NEIL3: variants seen among roughly 807,000 people sequenced by gnomAD.
The protein encoded by NEIL3 is endonuclease 8-like 3.
A neutral mutation model predicts 57.5 loss-of-function variants in NEIL3; 48 were observed. The observed-to-expected ratio is 0.83, with a 90% CI of 0.66 to 1.06. The LOEUF (loss-of-function observed/expected upper bound fraction) is 1.06. NEIL3 is among the 50% of genes least tolerant of loss of function. The probability of loss-of-function intolerance (pLI) is 0.00; values close to 1 mark genes in which losing one functional copy is unlikely to be tolerated. For synonymous variants in NEIL3, 261 were observed against 253.2 expected (o/e 1.03, Z -0.29); for missense variants, 717 against 739.1 (o/e 0.97, Z 0.35).
rs17064658 is a variant in NEIL3 at position 177,336,210 on chromosome 4, G to C, written c.516G>C (p.Gln172His). ...GAGCAGAAAGTGAAGTTAAAAAACA[G>C]AAAGGCCGGATGCTAGGTGATGTGC... ...FLRAESEVKK[Q>H]KGRMLGDVLM... The change falls in exon 4 of 10, where the codon CAG (glutamine) becomes CAC (histidine). Residue 172 changes from glutamine (Q) to histidine (H), a missense_variant. Gln to His is a conservative substitution (Grantham distance 24). Coordinates refer to ENST00000264596, the MANE Select transcript of NEIL3 (RefSeq NM_018248.3). 0.012 allele frequency: 18,700 copies of C among 1,614,100 alleles called. 269 individuals are homozygous for C. The highest frequency in any genetic ancestry group is 0.062 in the African/African-American group (4,647 of 75,056).
chr4:177,338,140 G>A (rs1735015200), intron 4 of NEIL3, among the ~76,000 whole-genome samples: 1 of 152,098 alleles, frequency 6.6e-6, no homozygotes, highest in Non-Finnish European at 1.5e-5. Context: ...ACTTAATATA[G>A]TATGTAAGAT....
intron 2 of NEIL3, among the ~76,000 whole-genome samples, 181 bp downstream of exon 2, chr4:177,322,761 T>C (rs1734712161): frequency 6.6e-6 from 1 of 152,196 alleles, no homozygotes; most frequent in Non-Finnish European, 1.5e-5. Flanking sequence ...GAATAAATTC[T>C]GATGTCATCA....
downstream of NEIL3, among the ~76,000 whole-genome samples, chr4:177,364,906 G>C (rs1735673363): frequency 6.7e-6 from 1 of 148,510 alleles, no homozygotes; most frequent in Non-Finnish European, 1.5e-5. Context: ...CCAGCCTGGT[G>C]ACAGAGTGAG....
At position 177,341,443 on chromosome 4, in the gene NEIL3, A is replaced by G. The variant is rs200859530; in HGVS notation, c.703-33A>G. Reference sequence around the variant, plus strand: ...GCTCCTTGGCAGCACTGTTTTGTGGATAACAGAATTTTTTGGTTTTTTTTT... The same window carrying G: ...GCTCCTTGGCAGCACTGTTTTGTGGGTAACAGAATTTTTTGGTTTTTTTTT... On this transcript the variant is annotated intron_variant, in intron 5 of 9. Transcript: ENST00000264596. 141 of 1,545,220 alleles carry G rather than the reference A, an allele frequency of 9.1e-5. No homozygotes were observed. The East Asian group carries it at 3.1e-3, about 34-fold the overall frequency.
chr4:177,354,674 G>A (rs1358353424), intron 8 of NEIL3, among the ~76,000 whole-genome samples: 1 of 152,112 alleles, frequency 6.6e-6, no homozygotes, highest in Non-Finnish European at 1.5e-5. Context: ...TAGAGATGGG[G>A]TTTCGCCATG....
intron 6 of NEIL3, among the ~76,000 whole-genome samples, chr4:177,344,676 T>G (rs972075234): frequency 6.6e-6 from 1 of 151,958 alleles, no homozygotes; most frequent in Non-Finnish European, 1.5e-5. Context: ...ATTCTCCTAC[T>G]TCAGCCTCCC....
At chr4:177,337,421 A>T (rs1474343223) in intron 4 of NEIL3, among the ~76,000 whole-genome samples, 1 of 152,170 alleles carries the variant, frequency 6.6e-6, no homozygotes, top group Admixed American at 6.5e-5. Flanking sequence ...AATCAGTAGG[A>T]ATGAAGCTTT....
intron 6 of NEIL3, among the ~76,000 whole-genome samples, chr4:177,347,465 G>T (rs538217969): frequency 6.6e-6 from 1 of 152,278 alleles, no homozygotes; most frequent in South Asian, 2.1e-4. Flanking sequence ...TAATCACTCT[G>T]GCGACTGTTG....
intron 1 of NEIL3, among the ~76,000 whole-genome samples, chr4:177,318,595 A>G (rs959405016): frequency 2.6e-5 from 4 of 152,294 alleles, no homozygotes; most frequent in Admixed American, 2.6e-4. Flanking sequence ...GGGCCATGGC[A>G]TACAAGGGCC....
chr4:177,353,884 G>T, intron 8 of NEIL3, 156 bp downstream of exon 8: 1 of 642,510 alleles, frequency 1.6e-6, no homozygotes. Context: ...TCCTGCCTCA[G>T]CCTCCCAAGT....
chr4:177,360,436 G>A, intron 8 of NEIL3, 67 bp from the exon 9 acceptor site: 2 of 1,132,130 alleles, frequency 1.8e-6, no homozygotes, highest in East Asian at 2.6e-5. Flanking sequence ...GACATGTGGG[G>A]GTAAAGTGGT....
downstream of NEIL3, among the ~76,000 whole-genome samples, chr4:177,364,921 T>C (rs1454440510): frequency 6.9e-6 from 1 of 144,828 alleles, no homozygotes; most frequent in African/African-American, 2.6e-5. Context: ...AGTGAGACTC[T>C]GTCTCAAAAA....
At position 177,341,140 on chromosome 4, in the gene NEIL3, G is replaced by T. The variant is rs182926539; in HGVS notation, c.703-336G>T. Reference sequence around the variant, plus strand: ...TTTTTCTTTTAACTATATAATTATGGTTAATTTAAAAAGCCTTAAAAGTGT... The same window carrying T: ...TTTTTCTTTTAACTATATAATTATGTTTAATTTAAAAAGCCTTAAAAGTGT... On this transcript the variant is annotated intron_variant, in intron 5 of 9. Coordinates refer to ENST00000264596, the MANE Select transcript of NEIL3 (RefSeq NM_018248.3). 6.4e-4 allele frequency among the ~76,000 whole-genome samples: 98 copies of T among 151,944 alleles called. 2 individuals are homozygous for T. In the East Asian group the frequency reaches 0.016, roughly 26 times the overall value.
chr4:177,320,789 T>C lies in NEIL3; in HGVS notation c.157-1670T>C, dbSNP rs373950820. On this transcript the variant is annotated intron_variant, in intron 1 of 9. Transcript: ENST00000264596. ...GCCTGCTGTCATTTTTAATTACTCC[T>C]GTGCATTTAATTTATCTGTCATTCT... Among the ~76,000 whole-genome samples the C allele has an allele frequency of 2.6e-5, 4 of 152,066 alleles. No individual in the cohort carries two copies. In the East Asian group the frequency reaches 7.7e-4, roughly 29 times the overall value.
At chr4:177,346,269 T>C (rs895167437) in intron 6 of NEIL3, among the ~76,000 whole-genome samples, 1 of 152,066 alleles carries the variant, frequency 6.6e-6, no homozygotes, top group Non-Finnish European at 1.5e-5. Context: ...TGGGCTCAGG[T>C]GACCCTCCTG....
At chr4:177,334,246 G>A (rs529935742) in intron 2 of NEIL3, among the ~76,000 whole-genome samples, 3 of 151,740 alleles carry the variant, frequency 2.0e-5, no homozygotes, top group Non-Finnish European at 4.4e-5. Context: ...TAAGATCAAA[G>A]GTACTTAGTA....
At chr4:177,365,427 T>C (rs1735680580), downstream of NEIL3, among the ~76,000 whole-genome samples, 1 of 152,178 alleles carries the variant, frequency 6.6e-6, no homozygotes, top group South Asian at 2.1e-4. Context: ...TTGCCAAGTA[T>C]ACAATACAAT....
chr4:177,347,006 A>G (rs1466397960), intron 6 of NEIL3, among the ~76,000 whole-genome samples: 1 of 151,826 alleles, frequency 6.6e-6, no homozygotes, highest in African/African-American at 2.4e-5. Flanking sequence ...CGTCTCAAAA[A>G]AAAAAAAAAA....
chr4:177,340,661 G>T (rs1735073738), intron 5 of NEIL3, among the ~76,000 whole-genome samples: 1 of 152,020 alleles, frequency 6.6e-6, no homozygotes, highest in Admixed American at 6.6e-5. Context: ...ATAGAAAACT[G>T]CCCATTTCCA....
Sources: allele counts gnomAD v4.1 joint callset (sites outside exome capture counted in the v4.1 genomes callset), GRCh38; gene constraint gnomAD v4.1.1; transcripts MANE v1.5; gene names NCBI Gene and HGNC (gene_info 2026-07-23, HGNC 2026-07-21).